Variants in RANBP2 observed in about 807,000 individuals in gnomAD.
RANBP2 encodes the protein E3 SUMO-protein ligase RanBP2.
RANBP2 carries 57 observed loss-of-function variants against 303.6 expected under a neutral mutation model. The observed-to-expected ratio is 0.19, with a 90% CI of 0.15 to 0.23. RANBP2 has a LOEUF of 0.23. Among genes scored for constraint, RANBP2 ranks in the 10% least tolerant of loss-of-function variants. The probability of loss-of-function intolerance (pLI) is 1.00; values close to 1 mark genes in which losing one functional copy is unlikely to be tolerated. For synonymous variants in RANBP2, 1,167 were observed against 1,301.5 expected, an observed-to-expected ratio of 0.90 and a Z score of 2.23; for missense variants, 3,138 against 3,780.8, an observed-to-expected ratio of 0.83 and a Z score of 4.46.
intron 3 of RANBP2, 30 bp from the exon 4 acceptor site, chr2:108,731,292 A>C (rs1184139091): frequency 3.7e-6 from 6 of 1,607,294 alleles, no homozygotes; most frequent in Non-Finnish European, 5.1e-6. Flanking sequence ...CAATTTATTT[A>C]CTAATCTTTA....
the RANBP2 span, among the ~76,000 whole-genome samples, chr2:109,623,512 G>C: frequency 1.3e-5 from 2 of 152,216 alleles, no homozygotes; most frequent in Non-Finnish European, 2.9e-5. Context: ...ATCTCTAAGA[G>C]GGTGACCTAT....
At chr2:109,631,029 G>T in the RANBP2 span, among the ~76,000 whole-genome samples, 1 of 152,198 alleles carries the variant, frequency 6.6e-6, no homozygotes. Flanking sequence ...TCACGGCACT[G>T]CACTCCAGCC....
chr2:109,305,933 T>TCCTCCAGCTGCC, the RANBP2 span, among the ~76,000 whole-genome samples: 3 of 151,704 alleles, frequency 2.0e-5, no homozygotes, highest in East Asian at 1.9e-4. Context: ...CTCCAGCTGC[T>TCCTCCAGCTGCC]CCTCCAGCTG....
the RANBP2 span, among the ~76,000 whole-genome samples, chr2:108,807,256 G>A: frequency 2.4e-4 from 36 of 152,114 alleles, no homozygotes; most frequent in Non-Finnish European, 4.9e-4. Context: ...CTTCATTAGA[G>A]AATTCCTAGC....
At chr2:109,463,031 T>G in the RANBP2 span, among the ~76,000 whole-genome samples, 5 of 152,222 alleles carry the variant, frequency 3.3e-5, no homozygotes, top group Non-Finnish European at 5.9e-5. Context: ...TGTAAGATTT[T>G]GGTATGGCCC....
the RANBP2 span, among the ~76,000 whole-genome samples, chr2:109,120,994 C>T: frequency 6.6e-6 from 1 of 152,162 alleles, no homozygotes; most frequent in African/African-American, 2.4e-5. Flanking sequence ...CGCCTGTAAT[C>T]CTAGCACTTT....
At chr2:108,911,090 G>A in the RANBP2 span, 1 of 1,614,006 alleles carries the variant, frequency 6.2e-7, no homozygotes, top group Non-Finnish European at 8.5e-7. Flanking sequence ...TGGAGAGAAG[G>A]CATGAATGAC....
At chr2:109,734,694 A>G in the RANBP2 span, among the ~76,000 whole-genome samples, 9 of 152,116 alleles carry the variant, frequency 5.9e-5, no homozygotes, top group Non-Finnish European at 1.0e-4. Context: ...AAGAATCTTT[A>G]TAAGGAAGAA....
the RANBP2 span, among the ~76,000 whole-genome samples, chr2:109,382,506 G>C: frequency 6.6e-6 from 1 of 152,132 alleles, no homozygotes; most frequent in Non-Finnish European, 1.5e-5. Flanking sequence ...TCCACACTTA[G>C]CACATGCCCT....
chr2:108,891,077 A>G, the RANBP2 span, among the ~76,000 whole-genome samples: 21 of 151,764 alleles, frequency 1.4e-4, no homozygotes, highest in East Asian at 1.9e-3. Context: ...TGTTTTTCTG[A>G]TTTCTTTGTA....
the RANBP2 span, among the ~76,000 whole-genome samples, chr2:109,452,344 G>T: frequency 6.6e-6 from 1 of 152,152 alleles, no homozygotes; most frequent in African/African-American, 2.4e-5. Flanking sequence ...GATCATAGAT[G>T]TACACATGTC....
the RANBP2 span, among the ~76,000 whole-genome samples, chr2:109,227,020 A>G: frequency 1.1e-4 from 17 of 152,150 alleles, no homozygotes; most frequent in East Asian, 1.6e-3. Context: ...AAGCTTTTCC[A>G]TGGTGGCCTA....
At chr2:108,787,089 C>CTGCGGAGG (rs1017472264), downstream of RANBP2, among the ~76,000 whole-genome samples, 11 of 152,048 alleles carry the variant, frequency 7.2e-5, no homozygotes, top group Non-Finnish European at 1.5e-4. Context: ...GGGCGTTGCG[C>CTGCGGAGG]TGCGGGGGTG....
the RANBP2 span, among the ~76,000 whole-genome samples, chr2:109,270,207 G>A: frequency 6.6e-6 from 1 of 152,192 alleles, no homozygotes; most frequent in African/African-American, 2.4e-5. Flanking sequence ...CATGTGGCCT[G>A]TCACAAGGAA....
At chr2:109,059,531 A>G in the RANBP2 span, among the ~76,000 whole-genome samples, 2 of 151,876 alleles carry the variant, frequency 1.3e-5, no homozygotes, top group East Asian at 1.9e-4. Flanking sequence ...AGCTGAGATC[A>G]CACCACTGCA....
the RANBP2 span, among the ~76,000 whole-genome samples, chr2:109,736,934 A>G: frequency 6.6e-6 from 1 of 152,114 alleles, no homozygotes. Context: ...CTCTAGTACT[A>G]CCACAAGAAT....
the RANBP2 span, among the ~76,000 whole-genome samples, chr2:109,474,362 T>TTAC: frequency 2.6e-5 from 4 of 152,184 alleles, no homozygotes; most frequent in Non-Finnish European, 4.4e-5. Context: ...CCATTTGGGC[T>TTAC]GTAAGTGTGA....
At chr2:109,211,543 C>A in the RANBP2 span, among the ~76,000 whole-genome samples, 4 of 152,282 alleles carry the variant, frequency 2.6e-5, 1 homozygote, top group South Asian at 6.2e-4. Flanking sequence ...TCAGCAAGCT[C>A]CGGGGCTGTC....
At position 108,763,593 on chromosome 2, in the gene RANBP2, T is replaced by G. The variant is rs1264894504; in HGVS notation, c.3054T>G (p.Ser1018=). 1 of 1,614,118 alleles carries G rather than the reference T, an allele frequency of 6.2e-7. No individual in the cohort carries two copies. Among genetic ancestry groups the G allele is most frequent in the Non-Finnish European group, 8.5e-7 (1 of 1,180,006 alleles). Residue 1018 remains serine, a synonymous_variant, in exon 20 of 29, where the codon TCT becomes TCG. Coordinates refer to ENST00000283195, the MANE Select transcript of RANBP2 (RefSeq NM_006267.5). The part of the protein sequence containing the change: ...QPMPGEGLRP[S]LPTQAHTTQP... ...TGCCGGGTGAAGGATTAAGGCCATC[T>G]TTGCCAACACAAGCACACACAACAC...
Sources: allele counts gnomAD v4.1 joint callset (sites outside exome capture counted in the v4.1 genomes callset), GRCh38; gene constraint gnomAD v4.1.1; transcripts MANE v1.5; gene names NCBI Gene and HGNC (gene_info 2026-07-23, HGNC 2026-07-21).